INTS8: variants seen among roughly 807,000 people sequenced by gnomAD.
INTS8 encodes integrator complex subunit 8.
In INTS8, 47 loss-of-function variants were observed where a neutral mutation model predicts 138.9. That is an observed-to-expected ratio of 0.34 (90% confidence interval 0.27 to 0.43). The LOEUF is 0.43. Ranked by LOEUF, INTS8 falls within the 20% of genes least tolerant of loss-of-function variation. INTS8 has a pLI of 1.00. For missense variants in INTS8, 996 were observed against 1,173.0 expected, an observed-to-expected ratio of 0.85 and a Z score of 2.20; for synonymous variants, 392 against 400.9, an observed-to-expected ratio of 0.98 and a Z score of 0.27.
rs937933034 is a variant in INTS8, at chr8:94,879,070, C to T, written c.2872-1048C>T. Among the ~76,000 whole-genome samples, 9 of 152,260 alleles carry T rather than the reference C, an allele frequency of 5.9e-5. 1 individual carries two copies. The South Asian group carries it at 1.7e-3, about 28-fold the overall frequency. On this transcript the variant is annotated intron_variant, in intron 26 of 26. Coordinates refer to ENST00000523731, the MANE Select transcript of INTS8 (RefSeq NM_017864.4). Reference sequence around the variant, plus strand: ...TATTACTGCTCTCAAATATCTGGCTCCTATTCCAACTTCTGTCTCACACTT... The same window carrying T: ...TATTACTGCTCTCAAATATCTGGCTTCTATTCCAACTTCTGTCTCACACTT...
At chr8:94,836,344 G>A (rs1048246484) in intron 6 of INTS8, among the ~76,000 whole-genome samples, 180 bp from the exon 7 acceptor site, 1 of 152,112 alleles carries the variant, frequency 6.6e-6, no homozygotes, top group South Asian at 2.1e-4. Context: ...TGCTTAAGTT[G>A]ACCAGAGTTG....
intron 22 of INTS8, chr8:94,873,685 A>G (rs756282438): frequency 5.8e-5 from 28 of 483,022 alleles, no homozygotes; most frequent in East Asian, 4.6e-4. Flanking sequence ...CTCAAATTCA[A>G]CTTGTCCAAA....
At chr8:94,873,578 G>C (rs565944958) in intron 22 of INTS8, 101 bp downstream of exon 22, 85 of 733,058 alleles carry the variant, frequency 1.2e-4, no homozygotes, top group African/African-American at 1.0e-3. Flanking sequence ...TAATGTGATC[G>C]TAAGTCCCAG....
chr8:94,868,037 A>G (rs899667899), intron 20 of INTS8, among the ~76,000 whole-genome samples: 2 of 152,198 alleles, frequency 1.3e-5, no homozygotes, highest in African/African-American at 4.8e-5. Flanking sequence ...GCAGTTATCA[A>G]AAGGCTCCCA....
At chr8:94,877,127 T>C (rs558411807) in intron 26 of INTS8, among the ~76,000 whole-genome samples, 3 of 152,346 alleles carry the variant, frequency 2.0e-5, no homozygotes, top group South Asian at 2.1e-4. Context: ...GTCCCTAGAA[T>C]GGTGCCTGGC....
rs1224764556 is a variant in INTS8 at position 94,842,405 on chromosome 8, A to G, written c.1177A>G (p.Ile393Val). Residue 393 changes from isoleucine (I) to valine (V), a missense_variant, in exon 10 of 27, where the codon ATA becomes GTA. Transcript: ENST00000523731. ...TTGTGCCTGTAATACAGTCCGTGATATACTGGAAGGCAGAACAATTAGTGT... is the reference window on the plus strand; with the variant it reads ...TTGTGCCTGTAATACAGTCCGTGATGTACTGGAAGGCAGAACAATTAGTGT... ...KVCACNTVRD[I>V]LEGRTISVQF... 6.2e-7 allele frequency: 1 copy of G among 1,604,050 alleles called. No individual in the cohort carries two copies. The highest frequency in any genetic ancestry group is 1.1e-5 in the South Asian group (1 of 90,812).
intron 10 of INTS8, among the ~76,000 whole-genome samples, chr8:94,844,782 C>A (rs1038825173): frequency 1.4e-5 from 2 of 139,798 alleles, no homozygotes; most frequent in African/African-American, 5.3e-5. Flanking sequence ...TGAGACGGGT[C>A]TCACTCTATC....
rs1373427813 is a variant in INTS8 at position 94,881,019 on chromosome 8, G to A, written c.*785G>A. ...ATCTAAGCCTTATTAGTTAAAAAAT[G>A]TGTTATGGCAAGGCAAATAAACTAG... is the stretch of plus-strand genomic sequence containing the variant. On this transcript the variant is annotated 3_prime_UTR_variant, in exon 27 of 27. Coordinates refer to ENST00000523731, the MANE Select transcript of INTS8 (RefSeq NM_017864.4). The A allele has an allele frequency of 5.0e-6, 2 of 398,616 alleles. No individual in the cohort carries two copies. The highest frequency in any genetic ancestry group is 8.9e-6 in the Non-Finnish European group (2 of 225,828). The allele number at this position is 398,616 out of a possible 1,614,324, so 24.7% of individuals were successfully genotyped here. A position where few individuals can be genotyped will look rare whatever the true frequency, so the allele number is the denominator to read the frequency against.
chr8:94,869,780 T>C (rs948441897), intron 20 of INTS8, among the ~76,000 whole-genome samples: 43 of 151,990 alleles, frequency 2.8e-4, no homozygotes, highest in Non-Finnish European at 3.8e-4. Context: ...CATGAGCCAC[T>C]GCGCCCCACC....
intron 20 of INTS8, chr8:94,867,613 T>C: frequency 3.9e-6 from 1 of 258,496 alleles, no homozygotes; most frequent in Non-Finnish European, 7.2e-6. Context: ...AATCTCTGCC[T>C]CTTGGGCTCA....
intron 14 of INTS8, 104 bp downstream of exon 14, chr8:94,854,019 G>C (rs904326062): frequency 4.0e-5 from 26 of 652,526 alleles, no homozygotes; most frequent in Non-Finnish European, 6.9e-5. Context: ...GAGGTGGGCA[G>C]ATCAACTGAG....
In INTS8 at chr8:94,851,540, A is replaced by G; in HGVS notation, c.1508-13A>G. 2 of 1,535,406 alleles carry G rather than the reference A, an allele frequency of 1.3e-6. No individual in the cohort carries two copies. The highest frequency in any genetic ancestry group is 1.8e-6 in the Non-Finnish European group (2 of 1,137,846). On this transcript the variant is annotated splice_polypyrimidine_tract_variant and intron_variant, in intron 12 of 26. Transcript: ENST00000523731. Reference sequence around the variant, plus strand: ...CTTTGAATTAAATCATTGAAATATAAATCTTTTTTTAGCTTCAGCAAGTGT... The same window carrying G: ...CTTTGAATTAAATCATTGAAATATAGATCTTTTTTTAGCTTCAGCAAGTGT...
chr8:94,870,053 A>AT (rs879671607), intron 20 of INTS8, among the ~76,000 whole-genome samples: 4,494 of 150,974 alleles, frequency 0.03, 62 homozygotes, highest in Non-Finnish European at 0.037. Flanking sequence ...ATTTTTATTT[A>AT]TTTATTTTTT....
intron 10 of INTS8, among the ~76,000 whole-genome samples, chr8:94,847,503 A>G (rs1015451129): frequency 3.0e-4 from 46 of 152,150 alleles, no homozygotes; most frequent in Non-Finnish European, 6.6e-4. Flanking sequence ...ATTTACCAGT[A>G]AAGTCTGGGC....
intron 20 of INTS8, chr8:94,867,747 C>G (rs889722031): frequency 6.3e-6 from 1 of 158,892 alleles, no homozygotes; most frequent in African/African-American, 2.4e-5. Flanking sequence ...TGGTCTCAAA[C>G]TCCTGACCTC....
chr8:94,828,960 T>C lies in INTS8; in HGVS notation c.519-15T>C. 1 of 1,564,812 alleles carries C rather than the reference T, an allele frequency of 6.4e-7. No individual in the cohort carries two copies. The highest frequency in any genetic ancestry group is 1.1e-5 in the South Asian group (1 of 87,940). ...TAACTTTTGATACTTTTGTTTTCAA[T>C]TGTTTCTCTTTTAGTATGAATCAAA... On this transcript the variant is annotated splice_polypyrimidine_tract_variant and intron_variant, in intron 4 of 26. Coordinates refer to ENST00000523731, the MANE Select transcript of INTS8 (RefSeq NM_017864.4).
In INTS8 at chr8:94,865,528, C is replaced by T. The variant is rs751896581; in HGVS notation, c.2099C>T (p.Thr700Ile). The T allele has an allele frequency of 1.2e-6, 2 of 1,613,612 alleles. No homozygotes were observed. The highest frequency in any genetic ancestry group is 4.5e-5 in the East Asian group (2 of 44,878). Residue 700 changes from threonine (T) to isoleucine (I), a missense_variant, in exon 17 of 27, where the codon ACA becomes ATA. Transcript: ENST00000523731. ...TAGCTTGGACAGCTTTTAGCAGCTA[C>T]ATGCAAAGAACTTCCAGGCCCTAAA... is the stretch of plus-strand genomic sequence containing the variant. The part of the protein sequence containing the change: ...YVKLGQLLAA[T>I]CKELPGPKES...
intron 10 of INTS8, among the ~76,000 whole-genome samples, chr8:94,844,849 T>C (rs1218098557): frequency 6.6e-6 from 1 of 151,060 alleles, no homozygotes; most frequent in Non-Finnish European, 1.5e-5. Context: ...ACCTCCTGGG[T>C]TCAAGCCATC....
intron 21 of INTS8, among the ~76,000 whole-genome samples, chr8:94,872,927 A>C (rs1246144415): frequency 6.6e-6 from 1 of 152,196 alleles, no homozygotes; most frequent in East Asian, 1.9e-4. Context: ...CCACCCAGCT[A>C]CTAATTAACA....
Sources: gnomAD v4.1 joint callset for allele counts (sites outside exome capture counted in the v4.1 genomes callset) on GRCh38, gnomAD v4.1.1 for gene constraint, MANE v1.5 for transcripts, NCBI Gene and HGNC (gene_info 2026-07-23, HGNC 2026-07-21) for gene names.